Variants in IGF1R observed in about 807,000 individuals in gnomAD.
The protein encoded by IGF1R is insulin-like growth factor 1 receptor.
IGF1R carries 44 observed loss-of-function variants against 144.6 expected under a neutral mutation model. That is an observed-to-expected ratio of 0.30 (90% CI 0.24 to 0.39). IGF1R has a LOEUF of 0.39. IGF1R is among the 10% of genes least tolerant of loss of function. The pLI is 1.00. For missense variants in IGF1R, 1,355 were observed against 1,833.7 expected (o/e 0.74, Z 4.77); for synonymous variants, 795 against 722.8 (o/e 1.10, Z -1.60).
chr15:98,940,593 C>T (rs899948451), intron 18 of IGF1R, among the ~76,000 whole-genome samples: 1 of 151,872 alleles, frequency 6.6e-6, no homozygotes, highest in South Asian at 2.1e-4. Flanking sequence ...TTAGTAGAAA[C>T]AGGTTTTCAT....
intron 2 of IGF1R, among the ~76,000 whole-genome samples, chr15:98,783,958 A>ATTTTTTTTT (rs71149420): frequency 3.7e-5 from 2 of 54,792 alleles, no homozygotes; most frequent in African/African-American, 1.6e-4. Context: ...GGCATCTGAA[A>ATTTTTTTTT]TTTTTTTTTT....
At chr15:98,659,906 A>G (rs1475200165) in intron 1 of IGF1R, among the ~76,000 whole-genome samples, 1 of 152,184 alleles carries the variant, frequency 6.6e-6, no homozygotes, top group East Asian at 1.9e-4. Context: ...CCAGCCAGAA[A>G]TACTCACAGA....
At chr15:98,741,401 C>G (rs1445964260) in intron 2 of IGF1R, among the ~76,000 whole-genome samples, 2 of 151,968 alleles carry the variant, frequency 1.3e-5, no homozygotes, top group Non-Finnish European at 2.9e-5. Context: ...AATAGTTTTG[C>G]CATTTGGTCT....
intron 1 of IGF1R, among the ~76,000 whole-genome samples, chr15:98,669,871 C>T (rs560948093): frequency 6.6e-6 from 1 of 152,248 alleles, no homozygotes; most frequent in East Asian, 1.9e-4. Flanking sequence ...AGGCCTGCCC[C>T]CAGTGCACTG....
intron 2 of IGF1R, among the ~76,000 whole-genome samples, chr15:98,738,867 A>G (rs1459462862): frequency 2.0e-5 from 3 of 152,180 alleles, no homozygotes; most frequent in Non-Finnish European, 2.9e-5. Context: ...GGACAATAGA[A>G]TGTTCGTCAA....
chr15:98,885,152 C>T (rs184986335), intron 2 of IGF1R, among the ~76,000 whole-genome samples: 1 of 152,332 alleles, frequency 6.6e-6, no homozygotes, highest in East Asian at 1.9e-4. Flanking sequence ...GGCTCATATT[C>T]TCACTGCTTG....
Position 98,896,918 on chromosome 15 carries a change from T to TC in IGF1R, c.1102+18dup. ...ATCCGACGGGGGAGTAAGTATTCCA[T>TC]CCCCCTGGAAAAACGGCTAGATCTC... On this transcript the variant is annotated intron_variant, in intron 4 of 20. Transcript: ENST00000650285. 3 of 1,613,190 alleles carry TC rather than the reference T, an allele frequency of 1.9e-6. No homozygotes were observed. The highest frequency in any genetic ancestry group is 2.5e-6 in the Non-Finnish European group (3 of 1,179,540).
intron 19 of IGF1R, among the ~76,000 whole-genome samples, chr15:98,943,847 G>A (rs1403340859): frequency 6.6e-5 from 10 of 152,166 alleles, no homozygotes; most frequent in African/African-American, 1.9e-4. Context: ...CTGGATGACC[G>A]CATAGAGGAA....
Position 98,685,623 on chromosome 15 carries a change from C to T in IGF1R, c.95-21939C>T, listed in dbSNP as rs546787345. 3.9e-5 allele frequency among the ~76,000 whole-genome samples: 6 copies of T among 152,300 alleles called. No individual in the cohort carries two copies. In the South Asian group the frequency reaches 1.2e-3, roughly 32 times the overall value. On this transcript the variant is annotated intron_variant, in intron 1 of 20. Transcript: ENST00000650285. ...ATGTGTATATCTGCTCATTGTCTGT[C>T]CAGGGTCCCTCCAAAGATGCCTCTG...
intron 2 of IGF1R, among the ~76,000 whole-genome samples, chr15:98,842,362 C>G (rs2011189284): frequency 6.6e-6 from 1 of 152,168 alleles, no homozygotes. Flanking sequence ...AGGCAGTGCT[C>G]ACAACAGGAT....
Position 98,959,476 on chromosome 15 carries a change from G to A in IGF1R, c.*2034G>A, listed in dbSNP as rs943731977. The A allele has an allele frequency of 2.1e-5, 5 of 233,680 alleles. No individual in the cohort carries two copies. The highest frequency in any genetic ancestry group is 6.6e-5 in the African/African-American group (3 of 45,346). 14.5% of individuals were successfully genotyped at this position (233,680 alleles called of 1,614,324 possible). On this transcript the variant is annotated 3_prime_UTR_variant, in exon 21 of 21. Coordinates refer to ENST00000650285, the MANE Select transcript of IGF1R (RefSeq NM_000875.5). ...ACCCCGGGATCCAGGCTGGCCCAGG[G>A]CGGCACCCTCAGGGCTGTGCCCGCT...
chr15:98,670,089 C>A (rs2052849811), intron 1 of IGF1R, among the ~76,000 whole-genome samples: 1 of 152,102 alleles, frequency 6.6e-6, no homozygotes, highest in Admixed American at 6.5e-5. Context: ...TGTTCGGGGA[C>A]CTGCAGGAGG....
intron 2 of IGF1R, among the ~76,000 whole-genome samples, chr15:98,877,752 A>G (rs1405306211): frequency 6.6e-6 from 1 of 152,096 alleles, no homozygotes; most frequent in Non-Finnish European, 1.5e-5. Context: ...TCTAAGTTCC[A>G]CAGGTAGTGC....
intron 19 of IGF1R, among the ~76,000 whole-genome samples, chr15:98,945,774 G>C (rs971262385): frequency 6.6e-6 from 1 of 151,888 alleles, no homozygotes; most frequent in Admixed American, 6.5e-5. Context: ...GTGTAGAGAT[G>C]GTTCAGTGTC....
chr15:98,737,579 A>AT (rs1786783641), intron 2 of IGF1R, among the ~76,000 whole-genome samples: 1 of 152,158 alleles, frequency 6.6e-6, no homozygotes, highest in African/African-American at 2.4e-5. Flanking sequence ...CTCAATTGGA[A>AT]TTTTTTTAAA....
intron 2 of IGF1R, among the ~76,000 whole-genome samples, chr15:98,728,011 T>TTTG (rs1555436600): frequency 8.7e-5 from 13 of 149,908 alleles, no homozygotes; most frequent in South Asian, 2.2e-4. Flanking sequence ...TGCATTGTTT[T>TTTG]TTTTTTTTTT....
chr15:98,822,875 T>TA (rs1326057653), intron 2 of IGF1R, among the ~76,000 whole-genome samples: 1 of 152,248 alleles, frequency 6.6e-6, no homozygotes. Context: ...AGTGTTTGAC[T>TA]AAATTAGAAA....
rs2011332185 is a variant in IGF1R at position 98,846,463 on chromosome 15, C to T, written c.641-44862C>T. Among the ~76,000 whole-genome samples the T allele has an allele frequency of 2.6e-5, 4 of 152,302 alleles. No homozygotes were observed. The South Asian group carries it at 8.3e-4, about 32-fold the overall frequency. ...GTCTTTACTTTGGGGCCTGTAACTC[C>T]AACTACATATGGAAGAATTTAAGTA... On this transcript the variant is annotated intron_variant, in intron 2 of 20. Coordinates refer to ENST00000650285, the MANE Select transcript of IGF1R (RefSeq NM_000875.5).
At chr15:98,852,937 C>T (rs748669306) in intron 2 of IGF1R, among the ~76,000 whole-genome samples, 1 of 152,184 alleles carries the variant, frequency 6.6e-6, no homozygotes, top group African/African-American at 2.4e-5. Flanking sequence ...CCTTTTATTG[C>T]TCTCCATGTG....
Sources: allele counts gnomAD v4.1 joint callset (sites outside exome capture counted in the v4.1 genomes callset), GRCh38; gene constraint gnomAD v4.1.1; transcripts MANE v1.5; gene names NCBI Gene and HGNC (gene_info 2026-07-23, HGNC 2026-07-21).